CNTNAP2: variants seen among roughly 807,000 people sequenced by gnomAD.
CNTNAP2 encodes the protein contactin associated protein 2.
In CNTNAP2, 98 loss-of-function variants were observed where a neutral mutation model predicts 155.2. The ratio of observed to expected loss-of-function variants is 0.63; its 90% CI spans 0.54 to 0.75. CNTNAP2 has a LOEUF of 0.75. Ranked by LOEUF, CNTNAP2 falls within the 30% of genes least tolerant of loss-of-function variation. The pLI is 0.00. For synonymous variants in CNTNAP2, 651 were observed against 631.2 expected (o/e 1.03, Z -0.47); for missense variants, 1,727 against 1,688.1 (o/e 1.02, Z -0.40).
At chr7:147,268,030 G>A (rs1366195743) in intron 8 of CNTNAP2, among the ~76,000 whole-genome samples, 1 of 152,068 alleles carries the variant, frequency 6.6e-6, no homozygotes, top group Non-Finnish European at 1.5e-5. Flanking sequence ...CTGAAATCTG[G>A]CACCCTTGAC....
intron 3 of CNTNAP2, among the ~76,000 whole-genome samples, chr7:146,941,869 T>C (rs1022075245): frequency 2.0e-5 from 3 of 152,038 alleles, no homozygotes; most frequent in Non-Finnish European, 4.4e-5. Flanking sequence ...GTTAGGTATA[T>C]TGGAACTTCC....
At chr7:146,977,236 C>A (rs1797930304) in intron 3 of CNTNAP2, among the ~76,000 whole-genome samples, 1 of 152,178 alleles carries the variant, frequency 6.6e-6, no homozygotes, top group South Asian at 2.1e-4. Context: ...ATACTTCAAT[C>A]ATTCTTCTGT....
chr7:148,174,384 A>T, intron 18 of CNTNAP2, among the ~76,000 whole-genome samples: 1 of 151,256 alleles, frequency 6.6e-6, no homozygotes, highest in South Asian at 2.1e-4. Context: ...CTCACTCTCC[A>T]GGTAGCCTGG....
chr7:146,948,005 A>G (rs1207374339), intron 3 of CNTNAP2, among the ~76,000 whole-genome samples: 1 of 152,154 alleles, frequency 6.6e-6, no homozygotes, highest in African/African-American at 2.4e-5. Flanking sequence ...TCACCTTATA[A>G]TAGCATATAA....
At chr7:146,133,528 A>G (rs1403386725) in intron 1 of CNTNAP2, among the ~76,000 whole-genome samples, 1 of 152,116 alleles carries the variant, frequency 6.6e-6, no homozygotes, top group Admixed American at 6.6e-5. Flanking sequence ...GTTTTCTTCT[A>G]GGGTTTTTAT....
chr7:147,479,770 G>C (rs1227003054), intron 10 of CNTNAP2, among the ~76,000 whole-genome samples: 4 of 151,424 alleles, frequency 2.6e-5, no homozygotes, highest in Admixed American at 2.6e-4. Context: ...TAATGTCAGA[G>C]GTACAGTAAA....
At position 146,839,770 on chromosome 7, in the gene CNTNAP2, G is replaced by C. The variant is rs1057524325; in HGVS notation, c.268G>C (p.Gly90Arg). 12 of 1,614,042 alleles carry C rather than the reference G, an allele frequency of 7.4e-6. No homozygotes were observed. The highest frequency in any genetic ancestry group is 8.5e-6 in the Non-Finnish European group (10 of 1,180,042). Residue 90 changes from glycine to arginine, a missense_variant, in exon 3 of 24, where the codon GGC (glycine) becomes CGC (arginine). Gly to Arg is a moderately radical substitution (Grantham distance 125). Coordinates refer to ENST00000361727, the MANE Select transcript of CNTNAP2 (RefSeq NM_014141.6). ...DHYQWLQVDFGNRKQISAIAT... is the reference protein window; with the variant it reads ...DHYQWLQVDFRNRKQISAIAT... ...TTATCAATGGCTTCAGGTTGACTTTGGCAATCGGAAGCAGATCAGTGCCAT... is the reference window on the plus strand; with the variant it reads ...TTATCAATGGCTTCAGGTTGACTTTCGCAATCGGAAGCAGATCAGTGCCAT...
rs144692835 is a variant in CNTNAP2 at position 147,697,626 on chromosome 7, C to T, written c.2098+58320C>T. On this transcript the variant is annotated intron_variant, in intron 13 of 23. Coordinates refer to ENST00000361727, the MANE Select transcript of CNTNAP2 (RefSeq NM_014141.6). The stretch of plus-strand genomic sequence containing the variant: ...GTCTCAGTCTTTTGGTGAGCTTGTG[C>T]CTCTGGGCTATGGACTTCACAAGTT... 3.5e-3 allele frequency among the ~76,000 whole-genome samples: 528 copies of T among 152,152 alleles called. 8 individuals are homozygous for T. Among genetic ancestry groups the T allele is most frequent in the African/African-American group, 0.012 (500 of 41,526 alleles).
rs549614040 is a variant in CNTNAP2, at chr7:148,383,512, T to C, written c.3476-137T>C. ...GCCCTAAATCTTATCGACCCATTAA[T>C]ATTTCATCCAAAACAATGTAACATC... On this transcript the variant is annotated intron_variant, in intron 21 of 23. Coordinates refer to ENST00000361727, the MANE Select transcript of CNTNAP2 (RefSeq NM_014141.6). The C allele has an allele frequency of 1.4e-5, 18 of 1,249,740 alleles. No individual in the cohort carries two copies. In the South Asian group the frequency reaches 2.3e-4, roughly 16 times the overall value. 77.4% of individuals were successfully genotyped at this position (1,249,740 alleles called of 1,614,324 possible). A position where few individuals can be genotyped will look rare whatever the true frequency, so the allele number is the denominator to read the frequency against.
intron 13 of CNTNAP2, among the ~76,000 whole-genome samples, chr7:147,865,763 C>T (rs571796521): frequency 2.8e-4 from 43 of 152,156 alleles, no homozygotes; most frequent in African/African-American, 9.9e-4. Context: ...TCTGTGGGAT[C>T]GGTGGTGATA....
chr7:146,497,773 T>TC (rs1158882320), intron 1 of CNTNAP2, among the ~76,000 whole-genome samples: 1 of 149,756 alleles, frequency 6.7e-6, no homozygotes, highest in Non-Finnish European at 1.5e-5. Flanking sequence ...TTTTAAGTAA[T>TC]CATACATATG....
chr7:146,914,609 G>A (rs1229172589), intron 3 of CNTNAP2, among the ~76,000 whole-genome samples: 1 of 151,954 alleles, frequency 6.6e-6, no homozygotes, highest in Admixed American at 6.6e-5. Context: ...TTTGAGAATT[G>A]TATATTCATG....
At chr7:147,090,937 A>T (rs1006590017) in intron 4 of CNTNAP2, among the ~76,000 whole-genome samples, 2 of 152,274 alleles carry the variant, frequency 1.3e-5, no homozygotes, top group African/African-American at 4.8e-5. Context: ...TAAAATCCTG[A>T]ATTCTTCCAT....
intron 12 of CNTNAP2, among the ~76,000 whole-genome samples, chr7:147,594,465 C>T (rs371748179): frequency 2.0e-5 from 3 of 152,074 alleles, no homozygotes; most frequent in African/African-American, 7.2e-5. Flanking sequence ...AAAAGGTAGC[C>T]TTTGATGAGG....
At chr7:146,854,404 T>A (rs1056533364) in intron 3 of CNTNAP2, among the ~76,000 whole-genome samples, 7 of 152,160 alleles carry the variant, frequency 4.6e-5, no homozygotes, top group Admixed American at 3.9e-4. Context: ...CAGTGACAAG[T>A]TGTAAAAACA....
At chr7:147,324,472 C>T (rs1430659136) in intron 9 of CNTNAP2, among the ~76,000 whole-genome samples, 2 of 152,096 alleles carry the variant, frequency 1.3e-5, no homozygotes, top group African/African-American at 4.8e-5. Flanking sequence ...CTTATGTTTT[C>T]ATCTCTGGCT....
intron 21 of CNTNAP2, among the ~76,000 whole-genome samples, chr7:148,326,798 G>A (rs776522788): frequency 1.2e-4 from 18 of 151,216 alleles, no homozygotes; most frequent in Non-Finnish European, 2.2e-4. Flanking sequence ...CAGGGAGATG[G>A]AGCTTGCAGT....
chr7:147,136,715 A>C (rs1801487747), intron 8 of CNTNAP2, among the ~76,000 whole-genome samples: 1 of 151,996 alleles, frequency 6.6e-6, no homozygotes, highest in African/African-American at 2.4e-5. Flanking sequence ...ATTTCTTTAA[A>C]AAATTAATTT....
At chr7:147,474,601 A>C (rs1394974071) in intron 10 of CNTNAP2, among the ~76,000 whole-genome samples, 1 of 152,122 alleles carries the variant, frequency 6.6e-6, no homozygotes, top group Non-Finnish European at 1.5e-5. Context: ...AAACAAGAAA[A>C]ACAAGTGACA....
Sources: gnomAD v4.1 joint callset for allele counts (sites outside exome capture counted in the v4.1 genomes callset) on GRCh38, gnomAD v4.1.1 for gene constraint, MANE v1.5 for transcripts, NCBI Gene and HGNC (gene_info 2026-07-23, HGNC 2026-07-21) for gene names.